Variants in ALG8 observed in about 807,000 individuals in gnomAD.
ALG8 encodes the protein ALG8 alpha-1,3-glucosyltransferase.
Under a neutral mutation model 70.2 loss-of-function variants are expected in ALG8, and 48 were observed. The observed-to-expected ratio is 0.68, with a 90% CI of 0.54 to 0.87. The LOEUF (loss-of-function observed/expected upper bound fraction) is 0.87. ALG8 is among the 40% of genes least tolerant of loss of function. The pLI is 0.00. For synonymous variants in ALG8, 234 were observed against 229.0 expected (o/e 1.02, Z -0.20); for missense variants, 572 against 608.7 (o/e 0.94, Z 0.64).
At chr11:78,106,387 T>C (rs1041508865) in intron 10 of ALG8, among the ~76,000 whole-genome samples, 5 of 152,174 alleles carry the variant, frequency 3.3e-5, no homozygotes, top group South Asian at 2.1e-4. Context: ...TTAGTAGAGA[T>C]GGGGTTTCAC....
At position 78,106,810 on chromosome 11, in the gene ALG8, A is replaced by T. The variant is rs1310892741; in HGVS notation, c.1175T>A (p.Met392Lys). ...EKAILLAILPMSLLSVGKAGD... is the reference protein window; with the variant it reads ...EKAILLAILPKSLLSVGKAGD... The stretch of plus-strand genomic sequence containing the variant: ...ACTGGCTGAGCTATCTGCTTACCTC[A>T]TTGGGAGAATTGCTAGAAGTATGGC... Residue 392 changes from methionine to lysine, a missense_variant, in exon 10 of 13, where the codon ATG becomes AAG. Physicochemically the swap from Met to Lys is moderately conservative, Grantham distance 95. Transcript: ENST00000299626. 1 of 1,613,964 alleles carries T rather than the reference A, an allele frequency of 6.2e-7. No individual in the cohort carries two copies. Among genetic ancestry groups the T allele is most frequent in the East Asian group, 2.2e-5 (1 of 44,854 alleles).
chr11:78,133,125 A>G (rs549357318), intron 1 of ALG8, among the ~76,000 whole-genome samples: 19 of 152,138 alleles, frequency 1.2e-4, no homozygotes, highest in East Asian at 3.9e-4. Context: ...GTGAGCCACC[A>G]CACCCAGCCT....
intron 4 of ALG8, 68 bp from the exon 5 acceptor site, chr11:78,119,317 G>A: frequency 1.7e-6 from 2 of 1,158,934 alleles, no homozygotes; most frequent in South Asian, 1.3e-5. Flanking sequence ...AGCTGATGGA[G>A]TATAGAAATT....
At chr11:78,104,601 T>A in intron 10 of ALG8, 148 bp from the exon 11 acceptor site, 1 of 700,048 alleles carries the variant, frequency 1.4e-6, no homozygotes, top group Non-Finnish European at 2.4e-6. Context: ...TTGAGAATAT[T>A]AATTTTTTAG....
At chr11:78,134,126 T>C (rs1006470849) in intron 1 of ALG8, among the ~76,000 whole-genome samples, 3 of 151,918 alleles carry the variant, frequency 2.0e-5, no homozygotes, top group Non-Finnish European at 2.9e-5. Context: ...TTGGGGTGAC[T>C]TGTGGCAAAC....
At chr11:78,111,710 G>T (rs1860299586) in intron 8 of ALG8, among the ~76,000 whole-genome samples, 1 of 152,172 alleles carries the variant, frequency 6.6e-6, no homozygotes, top group Non-Finnish European at 1.5e-5. Flanking sequence ...TACAGAAAAA[G>T]TTTGCTGACC....
intron 1 of ALG8, among the ~76,000 whole-genome samples, chr11:78,130,219 C>T (rs931797380): frequency 6.6e-5 from 10 of 151,962 alleles, no homozygotes; most frequent in African/African-American, 2.2e-4. Context: ...CATGGCGGCA[C>T]GCCCCTGTAG....
At chr11:78,109,704 A>C in intron 8 of ALG8, 123 bp from the exon 9 acceptor site, 1 of 980,460 alleles carries the variant, frequency 1.0e-6, no homozygotes, top group South Asian at 1.4e-5. Context: ...CTTAAAGGCT[A>C]AGATTTCATG....
chr11:78,132,043 CTT>C (rs1202169709), intron 1 of ALG8, among the ~76,000 whole-genome samples: 1 of 152,176 alleles, frequency 6.6e-6, no homozygotes, highest in Non-Finnish European at 1.5e-5. Context: ...TCCCACCTGT[CTT>C]TGTCTTACTC....
At chr11:78,133,900 C>CA (rs59434881) in intron 1 of ALG8, among the ~76,000 whole-genome samples, 28,699 of 127,366 alleles carry the variant, frequency 0.23, 3,216 homozygotes, top group African/African-American at 0.34. Flanking sequence ...GACTCCGTCT[C>CA]AAAAAAAAAA....
Position 78,109,467 on chromosome 11 carries a change from AG to A in ALG8, c.1012del (p.Leu338SerfsTer5). 1 of 1,614,174 alleles carries A rather than the reference AG, an allele frequency of 6.2e-7. No homozygotes were observed. Among genetic ancestry groups the A allele is most frequent in the Non-Finnish European group, 8.5e-7 (1 of 1,180,018 alleles). On this transcript the variant is annotated frameshift_variant, in exon 9 of 13. Transcript: ENST00000299626. LOFTEE classifies it high-confidence loss of function. Reference protein sequence around the residue: ...VLPSVTPLATLICTLIAILPS... With the variant: ...VLPSVTPLATXICTLIAILPS... ...CAATATGGCAATCAGTGTGCAGATGAGGGTTGCCAAGGGAGTCACTGAGGGA... is the reference window on the plus strand; with the variant it reads ...CAATATGGCAATCAGTGTGCAGATGAGGTTGCCAAGGGAGTCACTGAGGGA...
intron 1 of ALG8, among the ~76,000 whole-genome samples, chr11:78,127,811 G>A (rs961410111): frequency 4.0e-5 from 6 of 150,304 alleles, no homozygotes; most frequent in Non-Finnish European, 5.9e-5. Context: ...CCGGGTTCAC[G>A]CGAGTCTCCT....
chr11:78,105,741 T>A (rs1481529277), intron 10 of ALG8, among the ~76,000 whole-genome samples: 2 of 151,216 alleles, frequency 1.3e-5, no homozygotes, highest in East Asian at 3.9e-4. Context: ...AGGGTCTCAC[T>A]CTATTGCCCC....
chr11:78,121,555 GA>G (rs372128580), intron 3 of ALG8, among the ~76,000 whole-genome samples: 127 of 99,888 alleles, frequency 1.3e-3, no homozygotes, highest in South Asian at 4.0e-3. Flanking sequence ...CTTCTCACTA[GA>G]AAAAAAAAAA....
intron 2 of ALG8, among the ~76,000 whole-genome samples, chr11:78,124,574 G>T (rs533940380): frequency 6.6e-6 from 1 of 152,214 alleles, no homozygotes; most frequent in South Asian, 2.1e-4. Flanking sequence ...ATTTAACATG[G>T]TCTTCAATTT....
intron 5 of ALG8, among the ~76,000 whole-genome samples, chr11:78,118,062 C>CAGTAAAGTA (rs1860658654): frequency 7.7e-6 from 1 of 129,700 alleles, no homozygotes. Context: ...CAGGGCGAGA[C>CAGTAAAGTA]TCCGTCTCAA....
intron 12 of ALG8, among the ~76,000 whole-genome samples, chr11:78,101,987 G>A (rs60520497): frequency 0.074 from 11,181 of 152,108 alleles, 1,365 homozygotes; most frequent in African/African-American, 0.26. Flanking sequence ...GATTACAGGC[G>A]CCTGCCACCA....
intron 5 of ALG8, chr11:78,114,879 G>A: frequency 4.0e-6 from 1 of 247,974 alleles, no homozygotes; most frequent in Admixed American, 4.9e-5. Context: ...GGAGGCTGAG[G>A]TGAGAGAATC....
At chr11:78,125,274 C>T (rs693013) in intron 2 of ALG8, among the ~76,000 whole-genome samples, 32,998 of 151,342 alleles carry the variant, frequency 0.22, 4,459 homozygotes, top group African/African-American at 0.38. Flanking sequence ...CTTCGTGATC[C>T]GCCCACTTCG....
Sources: gnomAD v4.1 joint callset for allele counts (sites outside exome capture counted in the v4.1 genomes callset) on GRCh38, gnomAD v4.1.1 for gene constraint, MANE v1.5 for transcripts, NCBI Gene and HGNC (gene_info 2026-07-23, HGNC 2026-07-21) for gene names.